CEP83: variants seen among roughly 807,000 people sequenced by gnomAD.
CEP83 encodes centrosomal protein 83.
A neutral mutation model predicts 101.9 loss-of-function variants in CEP83; 70 were observed. The ratio of observed to expected loss-of-function variants is 0.69; its 90% CI spans 0.57 to 0.84. The LOEUF is 0.84. Ranked by LOEUF, CEP83 falls within the 40% of genes least tolerant of loss-of-function variation. The pLI is 0.00. For missense variants in CEP83, 715 were observed against 787.2 expected, an observed-to-expected ratio of 0.91 and a Z score of 1.10; for synonymous variants, 264 against 267.9, an observed-to-expected ratio of 0.99 and a Z score of 0.14.
rs551174239 is a variant in CEP83 at position 94,384,146 on chromosome 12, T to C, written c.550-5104A>G. On this transcript the variant is annotated intron_variant, in intron 6 of 16. Transcript: ENST00000397809. ...TTGGATAGGTCTACTGGCAAAAAGTTCCTTCATTTTCCTTCATTTGAGAAT... is the reference window on the plus strand; with the variant it reads ...TTGGATAGGTCTACTGGCAAAAAGTCCCTTCATTTTCCTTCATTTGAGAAT... Among the ~76,000 whole-genome samples, 17 of 152,282 alleles carry C rather than the reference T, an allele frequency of 1.1e-4. No homozygotes were observed. In the South Asian group the frequency reaches 3.5e-3, roughly 32 times the overall value.
chr12:94,332,399 T>C, intron 13 of CEP83, among the ~76,000 whole-genome samples: 1 of 152,230 alleles, frequency 6.6e-6, no homozygotes, highest in Non-Finnish European at 1.5e-5. Context: ...TAGGCAGTAC[T>C]AATGAAAATA....
At chr12:94,400,231 C>T (rs868012342) in intron 6 of CEP83, among the ~76,000 whole-genome samples, 13 of 152,066 alleles carry the variant, frequency 8.5e-5, no homozygotes, top group Middle Eastern at 6.8e-3. Flanking sequence ...AAAAGCAACA[C>T]GACCAATGAA....
chr12:94,312,283 A>G (rs1969983332), intron 15 of CEP83, among the ~76,000 whole-genome samples: 1 of 152,206 alleles, frequency 6.6e-6, no homozygotes, highest in Non-Finnish European at 1.5e-5. Context: ...CAAGAACACC[A>G]GTGCACATCA....
chr12:94,370,948 T>C (rs944141602), intron 8 of CEP83, among the ~76,000 whole-genome samples: 6 of 151,936 alleles, frequency 3.9e-5, no homozygotes, highest in African/African-American at 1.5e-4. Flanking sequence ...TGTGCCAATG[T>C]ATTCCAGCCT....
intron 14 of CEP83, among the ~76,000 whole-genome samples, chr12:94,314,595 T>C (rs1970373246): frequency 6.6e-6 from 1 of 152,224 alleles, no homozygotes; most frequent in Non-Finnish European, 1.5e-5. Flanking sequence ...TAACCTAGTA[T>C]ATTCACTCAG....
chr12:94,351,372 C>T (rs2060190704), intron 11 of CEP83, among the ~76,000 whole-genome samples: 1 of 152,172 alleles, frequency 6.6e-6, no homozygotes, highest in African/African-American at 2.4e-5. Context: ...CCCTGTGACC[C>T]AAGCTGCTAC....
chr12:94,278,833 T>TA, the CEP83 span, among the ~76,000 whole-genome samples: 509 of 152,024 alleles, frequency 3.3e-3, 3 homozygotes, highest in Non-Finnish European at 5.6e-3. Flanking sequence ...CCGTCTCTAC[T>TA]AAAAAAATAC....
chr12:94,430,282 TC>T (rs1230105994), intron 2 of CEP83, among the ~76,000 whole-genome samples: 1 of 151,118 alleles, frequency 6.6e-6, no homozygotes, highest in African/African-American at 2.4e-5. Context: ...AAAAATAAAT[TC>T]ACAAAATTCT....
intron 11 of CEP83, among the ~76,000 whole-genome samples, chr12:94,347,074 TACACACACAC>T (rs527486795): frequency 7.7e-6 from 1 of 129,748 alleles, no homozygotes; most frequent in Non-Finnish European, 1.7e-5. Flanking sequence ...TATATACACA[TACACACACAC>T]ACACACACAT....
At chr12:94,396,843 T>C (rs1330648460) in intron 6 of CEP83, among the ~76,000 whole-genome samples, 1 of 152,216 alleles carries the variant, frequency 6.6e-6, no homozygotes, top group Non-Finnish European at 1.5e-5. Flanking sequence ...TTTTATTACA[T>C]GAATCCCTTT....
Position 94,411,846 on chromosome 12 carries a change from A to T in CEP83, c.175T>A (p.Leu59Met). The stretch of plus-strand genomic sequence containing the variant: ...TGTAACTTTACATGTTCATTCTGCA[A>T]CCTGGTTTTTTTTAAAGAGAATTCA... ...YQTLKAEHTR[L>M]QNEHVKLQNE... The change falls in exon 4 of 17, where the codon TTG (leucine) becomes ATG (methionine). Residue 59 changes from leucine to methionine, a missense_variant and splice_region_variant. Coordinates refer to ENST00000397809, the MANE Select transcript of CEP83 (RefSeq NM_016122.3). The T allele has an allele frequency of 6.2e-7, 1 of 1,608,032 alleles. No individual in the cohort carries two copies. The highest frequency in any genetic ancestry group is 8.5e-7 in the Non-Finnish European group (1 of 1,178,320).
chr12:94,370,436 C>T (rs1441602845), intron 8 of CEP83, among the ~76,000 whole-genome samples: 1 of 152,162 alleles, frequency 6.6e-6, no homozygotes, highest in Non-Finnish European at 1.5e-5. Context: ...TGCAGTGGCA[C>T]GATCATAGCT....
At chr12:94,353,428 T>C (rs1325517051) in intron 11 of CEP83, among the ~76,000 whole-genome samples, 3 of 152,096 alleles carry the variant, frequency 2.0e-5, no homozygotes, top group Non-Finnish European at 2.9e-5. Flanking sequence ...GTAGAGCAGA[T>C]AGATATACAA....
intron 2 of CEP83, among the ~76,000 whole-genome samples, chr12:94,418,234 C>T (rs554913841): frequency 3.3e-5 from 5 of 151,928 alleles, no homozygotes; most frequent in African/African-American, 7.2e-5. Context: ...ATGTGGCATG[C>T]GCCTGTAGTC....
chr12:94,348,018 T>G (rs1333124064), intron 11 of CEP83, among the ~76,000 whole-genome samples: 3 of 152,128 alleles, frequency 2.0e-5, no homozygotes, highest in Non-Finnish European at 4.4e-5. Context: ...GTCGATCTAA[T>G]AAATAAACCA....
In CEP83 at chr12:94,308,728, A is replaced by G. The variant is rs1969355264; in HGVS notation, c.*85T>C. ...TCAAGTGTTTTGGCAAACAGTAAAA[A>G]GTATCTAAATGCCACAGGTTAAAAT... is the stretch of plus-strand genomic sequence containing the variant. On this transcript the variant is annotated 3_prime_UTR_variant, in exon 17 of 17. Transcript: ENST00000397809. 6.7e-6 allele frequency: 6 copies of G among 892,856 alleles called. No homozygotes were observed. Among genetic ancestry groups the G allele is most frequent in the Non-Finnish European group, 1.1e-5 (6 of 541,238 alleles). The allele number at this position is 892,856 out of a possible 1,614,324, so 55.3% of individuals were successfully genotyped here.
the CEP83 span, chr12:94,282,289 C>G: frequency 2.5e-6 from 4 of 1,602,222 alleles, no homozygotes; most frequent in East Asian, 6.7e-5. Flanking sequence ...ACAAAATGCT[C>G]TTTTTCAGAG....
At chr12:94,347,752 G>C (rs946513540) in intron 11 of CEP83, among the ~76,000 whole-genome samples, 1 of 152,152 alleles carries the variant, frequency 6.6e-6, no homozygotes, top group African/African-American at 2.4e-5. Flanking sequence ...GATACACTCA[G>C]AGCATGGATA....
At position 94,375,647 on chromosome 12, in the gene CEP83, A is replaced by C. The variant is rs186830811; in HGVS notation, c.933+239T>G. Among the ~76,000 whole-genome samples, 12 of 152,338 alleles carry C rather than the reference A, an allele frequency of 7.9e-5. No homozygotes were observed. The East Asian group carries it at 2.3e-3, about 29-fold the overall frequency. ...GGAAGGTAGAATGATAAAGGATTAA[A>C]AATATTTCAATACAGAGAACTAAAC... On this transcript the variant is annotated intron_variant, in intron 8 of 16. Transcript: ENST00000397809.
Sources: allele counts gnomAD v4.1 joint callset (sites outside exome capture counted in the v4.1 genomes callset), GRCh38; gene constraint gnomAD v4.1.1; transcripts MANE v1.5; gene names NCBI Gene and HGNC (gene_info 2026-07-23, HGNC 2026-07-21).